The following CHODL variants were observed in gnomAD, a reference collection of about 807,000 sequenced individuals.
The protein encoded by CHODL is transmembrane protein MT75.
Under a neutral mutation model 34.5 loss-of-function variants are expected in CHODL, and 29 were observed. The observed-to-expected ratio is 0.84, with a 90% CI of 0.63 to 1.15. CHODL has a LOEUF of 1.15. Ranked by LOEUF, CHODL falls within the 50% of genes most tolerant of loss-of-function variation. The probability of loss-of-function intolerance (pLI) is 0.00; values close to 1 mark genes in which losing one functional copy is unlikely to be tolerated. For missense variants in CHODL, 332 were observed against 332.5 expected (o/e 1.00, Z 0.01); for synonymous variants, 125 against 116.1 (o/e 1.08, Z -0.49).
At chr21:18,151,988 CTGTGTGTGTGTGTGTGTGTGTG>C (rs71941239) in intron 2 of CHODL, among the ~76,000 whole-genome samples, 41 of 146,622 alleles carry the variant, frequency 2.8e-4, no homozygotes, top group African/African-American at 1.0e-3. Flanking sequence ...GTATATAACT[CTGTGTGTGTGTGTGTGTGTGTG>C]TGTGTGTGTG....
intron 1 of CHODL, among the ~76,000 whole-genome samples, chr21:17,952,581 G>A (rs973224519): frequency 6.6e-6 from 1 of 152,022 alleles, no homozygotes; most frequent in South Asian, 2.1e-4. Context: ...AATTCTAAAG[G>A]AATTTTTTCA....
intron 1 of CHODL, among the ~76,000 whole-genome samples, chr21:17,984,870 G>C (rs1318452220): frequency 6.6e-6 from 1 of 152,056 alleles, no homozygotes; most frequent in Non-Finnish European, 1.5e-5. Context: ...CTAATTTGAA[G>C]TACTTATATT....
intron 2 of CHODL, among the ~76,000 whole-genome samples, chr21:18,070,901 T>G (rs1002868230): frequency 6.6e-6 from 1 of 151,894 alleles, no homozygotes; most frequent in African/African-American, 2.4e-5. Context: ...TTTTTTTTTG[T>G]TTACTCCAAT....
At position 18,174,152 on chromosome 21, in the gene CHODL, T is replaced by TATATATATAA. The variant is rs2073273906; in HGVS notation, c.-44-82355_-44-82346dup. On this transcript the variant is annotated intron_variant, in intron 2 of 6. Coordinates refer to the CHODL transcript ENST00000400127. Reference sequence around the variant, plus strand: ...ATATATATATATATATATATATATATATATATATAAAATCAAGTCTCTCAG... The same window carrying TATATATATAA: ...ATATATATATATATATATATATATATATATATATAAATATATATAAAATCAAGTCTCTCAG... 4.5e-4 allele frequency among the ~76,000 whole-genome samples: 56 copies of TATATATATAA among 125,830 alleles called. 3 individuals carry two copies. The highest frequency in any genetic ancestry group is 4.2e-4 in the African/African-American group (14 of 33,620). The allele number at this position is 125,830 out of a possible 152,430, so 82.5% of individuals were successfully genotyped here. A position where few individuals can be genotyped will look rare whatever the true frequency, so the allele number is the denominator to read the frequency against.
intron 1 of CHODL, among the ~76,000 whole-genome samples, chr21:17,927,033 T>C (rs973458398): frequency 6.6e-6 from 1 of 151,508 alleles, no homozygotes; most frequent in Non-Finnish European, 1.5e-5. Flanking sequence ...TGTATGCATA[T>C]ATGTATATGT....
At chr21:18,118,907 T>G (rs1014410717) in intron 2 of CHODL, among the ~76,000 whole-genome samples, 2 of 152,188 alleles carry the variant, frequency 1.3e-5, no homozygotes, top group African/African-American at 4.8e-5. Flanking sequence ...CACTTCAAAC[T>G]TCTGTCTTCC....
chr21:18,234,497 TA>T (rs1224053242), intron 2 of CHODL, among the ~76,000 whole-genome samples: 1 of 152,164 alleles, frequency 6.6e-6, no homozygotes, highest in African/African-American at 2.4e-5. Flanking sequence ...ATTTTGAGTG[TA>T]TGTTAAGGTC....
intron 1 of CHODL, 35 bp downstream of exon 1, chr21:18,245,337 G>A (rs1041708167): frequency 9.5e-6 from 14 of 1,481,350 alleles, no homozygotes; most frequent in Non-Finnish European, 1.3e-5. Flanking sequence ...AGAACGAGCG[G>A]GGAGAGGGGA....
intron 2 of CHODL, among the ~76,000 whole-genome samples, chr21:18,167,225 GT>G (rs1568919643): frequency 3.7e-4 from 56 of 149,372 alleles, no homozygotes; most frequent in Admixed American, 2.1e-3. Context: ...GTGTGTGTGT[GT>G]GTGTGTGTGT....
At chr21:18,059,380 C>A (rs1436313129) in intron 2 of CHODL, among the ~76,000 whole-genome samples, 1 of 152,140 alleles carries the variant, frequency 6.6e-6, no homozygotes, top group African/African-American at 2.4e-5. Flanking sequence ...GCAGCCTGAG[C>A]AGACCAGCAA....
rs371388519 is a variant in CHODL, at chr21:18,232,942, GATATAT to G, written c.-44-23542_-44-23537del. Among the ~76,000 whole-genome samples, 559 of 119,402 alleles carry G rather than the reference GATATAT, an allele frequency of 4.7e-3. 14 individuals carry two copies. Among genetic ancestry groups the G allele is most frequent in the Admixed American group, 0.027 (342 of 12,446 alleles). The allele number at this position is 119,402 out of a possible 152,430, so 78.3% of individuals were successfully genotyped here. A position where few individuals can be genotyped will look rare whatever the true frequency, so the allele number is the denominator to read the frequency against. Reference sequence around the variant, plus strand: ...AATTATGGGGTCCACATGATGTTATGATATATATATATATATATATATATATATATG... The same window carrying G: ...AATTATGGGGTCCACATGATGTTATGATATATATATATATATATATATATG... On this transcript the variant is annotated intron_variant, in intron 2 of 6. Coordinates refer to the CHODL transcript ENST00000400127.
At chr21:18,052,805 A>G (rs1044171112) in intron 2 of CHODL, among the ~76,000 whole-genome samples, 14 of 151,946 alleles carry the variant, frequency 9.2e-5, no homozygotes, top group African/African-American at 2.7e-4. Flanking sequence ...TTCCTGAAAT[A>G]TGTGAATTGA....
At chr21:18,018,392 G>T (rs972373583) in intron 1 of CHODL, among the ~76,000 whole-genome samples, 3 of 152,158 alleles carry the variant, frequency 2.0e-5, no homozygotes, top group Non-Finnish European at 2.9e-5. Context: ...GGAGGTATTT[G>T]GGTCATGGGG....
chr21:18,105,440 T>C (rs942721940), intron 2 of CHODL, among the ~76,000 whole-genome samples: 4 of 152,194 alleles, frequency 2.6e-5, no homozygotes, highest in African/African-American at 4.8e-5. Flanking sequence ...ACTCATTTCA[T>C]TTCATATCTT....
At chr21:18,219,310 G>T (rs1054015702) in intron 2 of CHODL, among the ~76,000 whole-genome samples, 4 of 152,102 alleles carry the variant, frequency 2.6e-5, no homozygotes, top group African/African-American at 4.8e-5. Context: ...AAATAAAAGG[G>T]AAAATGCCCC....
intron 1 of CHODL, among the ~76,000 whole-genome samples, chr21:17,947,709 C>A (rs184666195): frequency 1.3e-5 from 2 of 152,188 alleles, no homozygotes; most frequent in Admixed American, 1.3e-4. Flanking sequence ...TTTATACACT[C>A]TGGGAATGTA....
At chr21:17,967,392 C>G (rs890532665) in intron 1 of CHODL, among the ~76,000 whole-genome samples, 1 of 152,116 alleles carries the variant, frequency 6.6e-6, no homozygotes, top group Admixed American at 6.5e-5. Flanking sequence ...AAAACACATT[C>G]TTTTTCTTTC....
intron 2 of CHODL, among the ~76,000 whole-genome samples, chr21:18,070,178 G>T (rs183275589): frequency 1.3e-5 from 2 of 151,688 alleles, no homozygotes; most frequent in Admixed American, 6.6e-5. Flanking sequence ...CACCACTAAA[G>T]AACTTACTCA....
At chr21:18,132,708 T>A (rs2072671646) in intron 2 of CHODL, among the ~76,000 whole-genome samples, 1 of 152,178 alleles carries the variant, frequency 6.6e-6, no homozygotes, top group South Asian at 2.1e-4. Flanking sequence ...TTTGCGTTCT[T>A]ATCTATTCAG....
Sources: gnomAD v4.1 joint callset for allele counts (sites outside exome capture counted in the v4.1 genomes callset) on GRCh38, gnomAD v4.1.1 for gene constraint, MANE v1.5 for transcripts, NCBI Gene and HGNC (gene_info 2026-07-23, HGNC 2026-07-21) for gene names.